The following METTL15 variants were observed in gnomAD, a reference collection of about 807,000 sequenced individuals.
METTL15 encodes the protein 12S rRNA N(4)-cytidine methyltransferase METTL15.
METTL15 carries 34 observed loss-of-function variants against 38.3 expected under a neutral mutation model. The ratio of observed to expected loss-of-function variants is 0.89; its 90% CI spans 0.68 to 1.18. METTL15 has a LOEUF of 1.18. Among genes scored for constraint, METTL15 ranks in the 50% most tolerant of loss-of-function variants. The pLI, the probability that METTL15 is intolerant of heterozygous loss-of-function variation, is 0.00. For synonymous variants in METTL15, 162 were observed against 170.9 expected (o/e 0.95, Z 0.41); for missense variants, 438 against 498.4 (o/e 0.88, Z 1.15).
Position 28,511,613 on chromosome 11 carries a change from C to T in METTL15, c.*425-14865C>T, listed in dbSNP as rs894050776. 1.1e-4 allele frequency among the ~76,000 whole-genome samples: 16 copies of T among 152,176 alleles called. No individual in the cohort carries two copies. In the East Asian group the frequency reaches 2.1e-3, roughly 20 times the overall value. ...TCAGGAGTGAAGCTGCGGACCTTCG[C>T]GGTGAGTGTTACAGCTCTTAAGGCA... On this transcript the variant is annotated intron_variant and NMD_transcript_variant, in intron 6 of 7. Transcript: ENST00000532947.
chr11:28,309,186 G>A (rs1857187188), intron 6 of METTL15, among the ~76,000 whole-genome samples: 1 of 152,032 alleles, frequency 6.6e-6, no homozygotes, highest in African/African-American at 2.4e-5. Flanking sequence ...TCTCTTCCTG[G>A]CGTTGTTGTC....
chr11:28,139,561 C>T (rs1000250332), intron 3 of METTL15, among the ~76,000 whole-genome samples: 1 of 152,004 alleles, frequency 6.6e-6, no homozygotes, highest in Non-Finnish European at 1.5e-5. Flanking sequence ...TGTCAGTAAC[C>T]TTTGAGTTCC....
intron 5 of METTL15, among the ~76,000 whole-genome samples, chr11:28,392,213 C>T (rs949479301): frequency 1.3e-5 from 2 of 151,356 alleles, no homozygotes; most frequent in South Asian, 2.1e-4. Flanking sequence ...ATATGAAAAA[C>T]AATGACACTT....
intron 4 of METTL15, among the ~76,000 whole-genome samples, chr11:28,265,492 C>T (rs150279553): frequency 0.011 from 1,650 of 151,550 alleles, 17 homozygotes; most frequent in Middle Eastern, 0.038. Flanking sequence ...TGTAGATACA[C>T]GTGCATGAAA....
chr11:28,429,767 C>A (rs1286446196), intron 6 of METTL15, among the ~76,000 whole-genome samples: 2 of 50,784 alleles, frequency 3.9e-5, no homozygotes, highest in South Asian at 1.5e-3. Context: ...GCAGCCTCTG[C>A]CCGGCCGCCA....
chr11:28,525,267 C>T (rs559725331), intron 6 of METTL15, among the ~76,000 whole-genome samples: 5 of 152,306 alleles, frequency 3.3e-5, no homozygotes, highest in East Asian at 3.9e-4. Context: ...TCTGGCCCCA[C>T]GCACATCCTG....
At chr11:28,185,641 T>C (rs552137596) in intron 3 of METTL15, among the ~76,000 whole-genome samples, 1 of 151,386 alleles carries the variant, frequency 6.6e-6, no homozygotes, top group Non-Finnish European at 1.5e-5. Context: ...AAATAATGGA[T>C]TGATTATTTC....
At chr11:28,125,472 C>T (rs1852436814) in intron 3 of METTL15, 1 of 151,884 alleles carries the variant, frequency 6.6e-6, no homozygotes, top group Non-Finnish European at 1.5e-5. Context: ...AGTATCCATC[C>T]AAAACTCTGA....
intron 3 of METTL15, among the ~76,000 whole-genome samples, chr11:28,172,046 C>T (rs1041344714): frequency 1.4e-4 from 21 of 152,170 alleles, no homozygotes; most frequent in Non-Finnish European, 2.8e-4. Flanking sequence ...AGCAGTTCTC[C>T]TGTCTCAGCC....
At chr11:28,135,427 C>G (rs745714952) in intron 3 of METTL15, among the ~76,000 whole-genome samples, 3 of 152,166 alleles carry the variant, frequency 2.0e-5, no homozygotes, top group Non-Finnish European at 2.9e-5. Flanking sequence ...TTTGAGGTCA[C>G]AAGAACCTGG....
chr11:28,200,818 G>C (rs1852083458), intron 3 of METTL15, among the ~76,000 whole-genome samples: 1 of 151,960 alleles, frequency 6.6e-6, no homozygotes, highest in South Asian at 2.1e-4. Context: ...TGGGATGATG[G>C]GGTTTTCTAA....
At chr11:28,159,762 A>G (rs541488085) in intron 3 of METTL15, among the ~76,000 whole-genome samples, 23 of 152,266 alleles carry the variant, frequency 1.5e-4, no homozygotes, top group African/African-American at 5.3e-4. Flanking sequence ...GGATTGCTGC[A>G]TTTCCAGTTG....
At chr11:28,435,859 T>G (rs535387821) in intron 6 of METTL15, among the ~76,000 whole-genome samples, 68 of 152,324 alleles carry the variant, frequency 4.5e-4, no homozygotes, top group African/African-American at 1.6e-3. Flanking sequence ...TGCCTGTGAT[T>G]TTGTCTTTGC....
chr11:28,527,353 G>T (rs1851819375), downstream of METTL15, among the ~76,000 whole-genome samples: 1 of 152,112 alleles, frequency 6.6e-6, no homozygotes, highest in South Asian at 2.1e-4. Flanking sequence ...TTGTTATCTT[G>T]GGTTAGCTAA....
chr11:28,461,985 T>C (rs545157605), intron 6 of METTL15, among the ~76,000 whole-genome samples: 2 of 149,714 alleles, frequency 1.3e-5, no homozygotes, highest in Admixed American at 1.4e-4. Flanking sequence ...GTTCATTCAA[T>C]TCAACAAATA....
At chr11:28,267,102 G>T (rs1855453511) in intron 4 of METTL15, among the ~76,000 whole-genome samples, 1 of 147,670 alleles carries the variant, frequency 6.8e-6, no homozygotes, top group African/African-American at 2.5e-5. Context: ...AGAGGTTGCA[G>T]TGAGCCAAGA....
At chr11:28,481,039 A>G (rs1311259429) in intron 6 of METTL15, among the ~76,000 whole-genome samples, 1 of 152,214 alleles carries the variant, frequency 6.6e-6, no homozygotes, top group Non-Finnish European at 1.5e-5. Context: ...ATTTTCTAAT[A>G]TTAGAAATGT....
chr11:28,410,427 A>T (rs1372857482), intron 5 of METTL15, among the ~76,000 whole-genome samples: 1 of 152,130 alleles, frequency 6.6e-6, no homozygotes, highest in Non-Finnish European at 1.5e-5. Context: ...ATACATTATG[A>T]CCATGTGGGA....
intron 6 of METTL15, among the ~76,000 whole-genome samples, chr11:28,431,049 C>T (rs1431277580): frequency 6.9e-5 from 3 of 43,750 alleles, no homozygotes; most frequent in Non-Finnish European, 1.2e-4. Context: ...GCCCCCTGCC[C>T]GGCCAGCGGC....
Sources: allele counts gnomAD v4.1 joint callset (sites outside exome capture counted in the v4.1 genomes callset), GRCh38; gene constraint gnomAD v4.1.1; transcripts MANE v1.5; gene names NCBI Gene and HGNC (gene_info 2026-07-23, HGNC 2026-07-21).